The following GPHN variants were observed in gnomAD, a reference collection of about 807,000 sequenced individuals.
GPHN encodes the protein gephyrin.
In GPHN, 17 loss-of-function variants were observed where a neutral mutation model predicts 95.5. The observed-to-expected ratio is 0.18, with a 90% confidence interval of 0.12 to 0.27. The LOEUF is 0.27. Ranked by LOEUF, GPHN falls within the 10% of genes least tolerant of loss-of-function variation. GPHN has a pLI of 1.00. For missense variants in GPHN, 660 were observed against 978.1 expected (o/e 0.67, Z 4.34); for synonymous variants, 320 against 322.5 (o/e 0.99, Z 0.08).
chr14:67,299,456 A>G, the GPHN span, among the ~76,000 whole-genome samples: 2 of 152,292 alleles, frequency 1.3e-5, no homozygotes, highest in African/African-American at 4.8e-5. Flanking sequence ...CATCATTTTT[A>G]TAATTAAAAA....
rs1039942132 is a variant in GPHN at position 67,111,994 on chromosome 14, C to T, written c.1472+75C>T. On this transcript the variant is annotated intron_variant, in intron 15 of 22. Coordinates refer to ENST00000478722, the MANE Select transcript of GPHN (RefSeq NM_020806.5). The stretch of plus-strand genomic sequence containing the variant: ...TCATTTACTCAGGAAACCCTGGCTA[C>T]TATAAATCTGCAGCCATGTCAGTTA... 3 of 1,110,968 alleles carry T rather than the reference C, an allele frequency of 2.7e-6. No homozygotes were observed. The Admixed American group carries it at 5.2e-5, about 19-fold the overall frequency. 68.8% of individuals were successfully genotyped at this position (1,110,968 alleles called of 1,614,324 possible).
the GPHN span, among the ~76,000 whole-genome samples, chr14:67,568,509 T>C: frequency 6.6e-6 from 1 of 151,716 alleles, no homozygotes; most frequent in Admixed American, 6.6e-5. Context: ...AATACCTAGG[T>C]GATGGGTTGT....
the GPHN span, among the ~76,000 whole-genome samples, chr14:67,399,423 GAGA>G: frequency 3.4e-3 from 497 of 148,224 alleles, 12 homozygotes; most frequent in African/African-American, 0.011. Flanking sequence ...CAGGAATAAA[GAGA>G]AGGGTAGTTT....
At chr14:67,104,645 A>C (rs2077935402) in intron 13 of GPHN, among the ~76,000 whole-genome samples, 1 of 152,098 alleles carries the variant, frequency 6.6e-6, no homozygotes, top group Non-Finnish European at 1.5e-5. Flanking sequence ...TTTGGCATGT[A>C]GTTCTTCATA....
chr14:67,051,391 C>G (rs2075300122), intron 10 of GPHN, among the ~76,000 whole-genome samples: 2 of 152,100 alleles, frequency 1.3e-5, no homozygotes, highest in South Asian at 4.1e-4. Context: ...TGAAATAAGA[C>G]AGGCAGACAA....
intron 18 of GPHN, among the ~76,000 whole-genome samples, chr14:67,152,363 A>T (rs2081330923): frequency 6.6e-6 from 1 of 152,214 alleles, no homozygotes; most frequent in African/African-American, 2.4e-5. Flanking sequence ...ACTTTTAGCA[A>T]ATGTTATATG....
At chr14:66,867,176 A>T (rs1282638714) in intron 4 of GPHN, among the ~76,000 whole-genome samples, 1 of 152,194 alleles carries the variant, frequency 6.6e-6, no homozygotes, top group Non-Finnish European at 1.5e-5. Flanking sequence ...AAAGATGTTC[A>T]TTAGCAATAA....
intron 9 of GPHN, among the ~76,000 whole-genome samples, chr14:67,016,048 T>TA (rs1469458333): frequency 6.6e-6 from 1 of 151,998 alleles, no homozygotes; most frequent in Non-Finnish European, 1.5e-5. Context: ...ATAATTTTCT[T>TA]AAAAAAAGGA....
intron 2 of GPHN, among the ~76,000 whole-genome samples, chr14:66,769,939 C>T (rs375710935): frequency 1.3e-5 from 2 of 152,170 alleles, no homozygotes; most frequent in Non-Finnish European, 2.9e-5. Flanking sequence ...AATTTATACT[C>T]CCACCAACAG....
the GPHN span, chr14:67,593,514 A>C: frequency 1.9e-6 from 1 of 517,602 alleles, no homozygotes. Flanking sequence ...GAAAAAAGAT[A>C]GAAAGAGAAG....
chr14:67,384,577 G>A, the GPHN span: 1 of 152,046 alleles, frequency 6.6e-6, no homozygotes, highest in Non-Finnish European at 1.5e-5. Context: ...ATTATCCCTA[G>A]ATAGCTATTA....
intron 8 of GPHN, among the ~76,000 whole-genome samples, chr14:66,930,778 G>A (rs2066747685): frequency 6.6e-6 from 1 of 152,018 alleles, no homozygotes; most frequent in Non-Finnish European, 1.5e-5. Flanking sequence ...CACCCACCTT[G>A]CCCTGTCTAG....
chr14:66,668,121 G>A (rs987415933), intron 1 of GPHN, among the ~76,000 whole-genome samples: 1 of 152,176 alleles, frequency 6.6e-6, no homozygotes, highest in African/African-American at 2.4e-5. Context: ...TTATTAAAGA[G>A]CTGAAAAATA....
chr14:67,197,537 TGGTCCCCTTGGCAG>T, the GPHN span, among the ~76,000 whole-genome samples: 1,444 of 152,286 alleles, frequency 9.5e-3, 16 homozygotes, highest in African/African-American at 0.028. Context: ...CCTATATCAG[TGGTCCCCTTGGCAG>T]CAGGGACCAG....
chr14:66,976,239 G>A (rs2070211996), intron 9 of GPHN, among the ~76,000 whole-genome samples: 1 of 152,098 alleles, frequency 6.6e-6, no homozygotes, highest in African/African-American at 2.4e-5. Context: ...CTCTAGTTTT[G>A]TTCAAGTTAT....
the GPHN span, among the ~76,000 whole-genome samples, chr14:67,458,836 GCCT>G: frequency 1.3e-5 from 2 of 152,164 alleles, no homozygotes; most frequent in Non-Finnish European, 2.9e-5. Context: ...TCCCACCTCA[GCCT>G]CCTATGTAGC....
the GPHN span, among the ~76,000 whole-genome samples, chr14:67,491,466 A>T: frequency 6.6e-6 from 1 of 152,166 alleles, no homozygotes; most frequent in Non-Finnish European, 1.5e-5. Flanking sequence ...CCACTTCCCC[A>T]GTAACTTCAT....
chr14:66,663,270 C>T (rs1185078751), intron 1 of GPHN, among the ~76,000 whole-genome samples: 1 of 152,188 alleles, frequency 6.6e-6, no homozygotes, highest in African/African-American at 2.4e-5. Flanking sequence ...TGACTAACAG[C>T]AGACCTCTCA....
Position 66,711,027 on chromosome 14 carries a change from TG to T in GPHN, c.143+29843del, listed in dbSNP as rs1454806233. ...TTATGCAAATTTTATTGTACAAATT[TG>T]TTTTTTTATGTATTTTGTTTTGTTT... On this transcript the variant is annotated intron_variant, in intron 2 of 22. Transcript: ENST00000478722. 3.9e-5 allele frequency among the ~76,000 whole-genome samples: 6 copies of T among 152,226 alleles called. No individual in the cohort carries two copies. The South Asian group carries it at 8.3e-4, about 21-fold the overall frequency.
Sources: allele counts gnomAD v4.1 joint callset (sites outside exome capture counted in the v4.1 genomes callset), GRCh38; gene constraint gnomAD v4.1.1; transcripts MANE v1.5; gene names NCBI Gene and HGNC (gene_info 2026-07-23, HGNC 2026-07-21).